Variants in CHLSN observed in about 807,000 individuals in gnomAD.
The protein encoded by CHLSN is protein cholesin.
chr7:987,666 C>T, the CHLSN span: 21 of 913,016 alleles, frequency 2.3e-5, no homozygotes, highest in Non-Finnish European at 3.3e-5. Context: ...CAATAAAGGG[C>T]GTCCAGCCAG....
At chr7:1,127,307 GC>G in the CHLSN span, 3 of 1,611,932 alleles carry the variant, frequency 1.9e-6, no homozygotes, top group Non-Finnish European at 2.5e-6. Flanking sequence ...CCCAGCAGTG[GC>G]CCCTCTGCTG....
chr7:1,058,633 G>A, the CHLSN span: 4 of 616,112 alleles, frequency 6.5e-6, no homozygotes, highest in Non-Finnish European at 8.9e-6. Context: ...AAGCAGGAGG[G>A]GTGTTTTTCT....
the CHLSN span, among the ~76,000 whole-genome samples, chr7:1,070,940 T>TGCAC: frequency 3.2e-5 from 4 of 125,936 alleles, no homozygotes; most frequent in African/African-American, 1.2e-4. Flanking sequence ...CACGCACACA[T>TGCAC]GCACACACAC....
the CHLSN span, among the ~76,000 whole-genome samples, chr7:1,015,918 G>A: frequency 3.9e-5 from 6 of 152,206 alleles, no homozygotes; most frequent in African/African-American, 1.4e-4. Flanking sequence ...GATGTCACCT[G>A]ACCAGACGGA....
chr7:1,086,141 C>T, the CHLSN span, among the ~76,000 whole-genome samples: 1 of 152,272 alleles, frequency 6.6e-6, no homozygotes, highest in Non-Finnish European at 1.5e-5. Flanking sequence ...AAACCCAGGG[C>T]ACGTGAGTGG....
chr7:1,007,047 G>A, the CHLSN span, among the ~76,000 whole-genome samples: 1,118 of 152,340 alleles, frequency 7.3e-3, 11 homozygotes, highest in African/African-American at 0.026. Flanking sequence ...CCCCACGGGC[G>A]CTGGGTCGAC....
chr7:1,136,391 T>TATATAAAC, the CHLSN span, among the ~76,000 whole-genome samples: 1,588 of 28,742 alleles, frequency 0.055, 90 homozygotes, highest in African/African-American at 0.17. Context: ...TATATAAACA[T>TATATAAAC]ATATATAAAT....
At chr7:1,037,406 C>T in the CHLSN span, among the ~76,000 whole-genome samples, 17 of 127,796 alleles carry the variant, frequency 1.3e-4, no homozygotes, top group Admixed American at 7.7e-5. Flanking sequence ...AGGTGCGCGC[C>T]GCCACGCCTG....
At chr7:1,080,699 C>T in the CHLSN span, among the ~76,000 whole-genome samples, 138 of 152,384 alleles carry the variant, frequency 9.1e-4, 1 homozygote, top group African/African-American at 3.0e-3. Context: ...TACAGGTTCT[C>T]GGCTAAGGCA....
the CHLSN span, among the ~76,000 whole-genome samples, chr7:1,136,518 A>ATG: frequency 9.1e-5 from 9 of 99,218 alleles, 1 homozygote; most frequent in South Asian, 6.2e-4. Context: ...AAACATATAT[A>ATG]AATATATATA....
At chr7:1,114,565 C>T in the CHLSN span, among the ~76,000 whole-genome samples, 6 of 152,374 alleles carry the variant, frequency 3.9e-5, no homozygotes, top group East Asian at 3.9e-4. Flanking sequence ...CATGGCCTAA[C>T]GCTGTTCCTG....
chr7:1,003,560 GTGGGTGGGGAGT>G, the CHLSN span, among the ~76,000 whole-genome samples: 1 of 47,046 alleles, frequency 2.1e-5, no homozygotes. Flanking sequence ...GTGGAGTCCT[GTGGGTGGGGAGT>G]CCTGTGGGTG....
the CHLSN span, among the ~76,000 whole-genome samples, chr7:1,107,593 AC>A: frequency 6.6e-6 from 1 of 152,258 alleles, no homozygotes; most frequent in Non-Finnish European, 1.5e-5. Flanking sequence ...ACAAGACAGA[AC>A]TACTGGACAG....
chr7:992,695 C>G, the CHLSN span, among the ~76,000 whole-genome samples: 1 of 152,212 alleles, frequency 6.6e-6, no homozygotes, highest in South Asian at 2.1e-4. Flanking sequence ...GGGCCCTCCC[C>G]GTGATTGCTG....
the CHLSN span, among the ~76,000 whole-genome samples, chr7:1,129,488 C>G: frequency 6.6e-6 from 1 of 151,380 alleles, no homozygotes; most frequent in East Asian, 1.9e-4. Flanking sequence ...CCCTGTCACT[C>G]GGGCTGCAGT....
the CHLSN span, among the ~76,000 whole-genome samples, chr7:1,133,410 A>AAAC: frequency 1.4e-4 from 20 of 148,086 alleles, no homozygotes; most frequent in African/African-American, 4.9e-4. Context: ...AAAAAAAAAA[A>AAAC]AAACTATAAT....
chr7:1,121,924 G>A, the CHLSN span, among the ~76,000 whole-genome samples: 1 of 151,970 alleles, frequency 6.6e-6, no homozygotes, highest in Non-Finnish European at 1.5e-5. Context: ...GCAGCGTGCT[G>A]CACCCACCCA....
chr7:1,051,359 G>C, the CHLSN span, among the ~76,000 whole-genome samples: 2 of 152,260 alleles, frequency 1.3e-5, no homozygotes, highest in Non-Finnish European at 2.9e-5. Flanking sequence ...CCCTGAGCCA[G>C]GCCGCCGAGG....
At chr7:1,126,668 CTG>C in the CHLSN span, among the ~76,000 whole-genome samples, 4 of 152,034 alleles carry the variant, frequency 2.6e-5, no homozygotes, top group Non-Finnish European at 5.9e-5. Context: ...GCGACAGAGA[CTG>C]TGTCTCAAGA....
Sources: allele counts gnomAD v4.1 joint callset (sites outside exome capture counted in the v4.1 genomes callset), GRCh38; gene constraint gnomAD v4.1.1; transcripts MANE v1.5; gene names NCBI Gene and HGNC (gene_info 2026-07-23, HGNC 2026-07-21).